Variants in HYDIN observed in about 807,000 individuals in gnomAD.
The protein encoded by HYDIN is axonemal central pair apparatus protein HYDIN.
HYDIN carries 132 observed loss-of-function variants against 403.9 expected under a neutral mutation model. The ratio of observed to expected loss-of-function variants is 0.33; its 90% CI spans 0.28 to 0.38. HYDIN has a LOEUF of 0.38. Among genes scored for constraint, HYDIN ranks in the 10% least tolerant of loss-of-function variants. The probability of loss-of-function intolerance (pLI) is 1.00; values close to 1 mark genes in which losing one functional copy is unlikely to be tolerated. For missense variants in HYDIN, 2,827 were observed against 5,009.5 expected, an observed-to-expected ratio of 0.56 and a Z score of 13.15; for synonymous variants, 1,202 against 1,891.7, an observed-to-expected ratio of 0.64 and a Z score of 9.46.
intron 10 of HYDIN, among the ~76,000 whole-genome samples, chr16:71,098,345 A>G (rs1323226393): frequency 5.9e-5 from 9 of 151,278 alleles, no homozygotes; most frequent in African/African-American, 1.2e-4. Flanking sequence ...GGGACTACAG[A>G]CGCCCGCCAC....
At chr16:70,811,014 G>C (rs1187072060) in intron 84 of HYDIN, among the ~76,000 whole-genome samples, 1 of 152,176 alleles carries the variant, frequency 6.6e-6, no homozygotes, top group Non-Finnish European at 1.5e-5. Flanking sequence ...ACTGTTACCA[G>C]TAGTTATGTT....
chr16:71,092,416 C>A (rs2083138583), intron 11 of HYDIN, among the ~76,000 whole-genome samples: 1 of 152,126 alleles, frequency 6.6e-6, no homozygotes, highest in African/African-American at 2.4e-5. Flanking sequence ...AAAGAAACTT[C>A]TAGCATATTT....
chr16:71,203,205 C>T (rs1317522380), intron 1 of HYDIN, among the ~76,000 whole-genome samples: 2 of 152,150 alleles, frequency 1.3e-5, no homozygotes, highest in African/African-American at 4.8e-5. Context: ...TCATAGCAGA[C>T]ATTGAGAGCA....
At chr16:71,115,939 T>G in intron 9 of HYDIN, 144 bp from the exon 10 acceptor site, 1 of 582,180 alleles carries the variant, frequency 1.7e-6, no homozygotes, top group South Asian at 2.2e-5. Flanking sequence ...TGATATATAT[T>G]TGTATAGTGA....
chr16:70,942,782 G>C (rs2077722917), intron 42 of HYDIN, among the ~76,000 whole-genome samples: 1 of 152,202 alleles, frequency 6.6e-6, no homozygotes, highest in South Asian at 2.1e-4. Flanking sequence ...CTTTGTTGAT[G>C]AAAGAAGCCC....
chr16:70,885,671 G>A (rs2041084995), intron 58 of HYDIN, among the ~76,000 whole-genome samples: 2 of 151,838 alleles, frequency 1.3e-5, no homozygotes, highest in African/African-American at 4.8e-5. Context: ...TAAGTTCATT[G>A]CAACTGAAAG....
At chr16:71,168,545 C>A (rs2086338604) in intron 5 of HYDIN, among the ~76,000 whole-genome samples, 1 of 150,758 alleles carries the variant, frequency 6.6e-6, no homozygotes, top group South Asian at 2.1e-4. Context: ...CAAAGAAGTC[C>A]AGAGGTAGGT....
intron 23 of HYDIN, among the ~76,000 whole-genome samples, chr16:71,003,186 T>A (rs2079778024): frequency 6.6e-6 from 1 of 152,214 alleles, no homozygotes; most frequent in Non-Finnish European, 1.5e-5. Context: ...ATTATATTTT[T>A]ACAATAAGGC....
In HYDIN at chr16:71,129,780, C is replaced by T. The variant is rs372727845; in HGVS notation, c.1087G>A (p.Glu363Lys). Residue 363 changes from glutamate to lysine, a missense_variant, in exon 9 of 86, where the codon GAG (glutamate) becomes AAG (lysine). Coordinates refer to ENST00000393567, the MANE Select transcript of HYDIN (RefSeq NM_001270974.2). ...LIKEEKDETD[E>K]FFEECITDPL... ...TCAGTAATGCACTCTTCAAAAAACT[C>T]ATCAGTCTCATCCTTCTCCTCTTTG... The T allele has an allele frequency of 1.6e-5, 26 of 1,612,890 alleles. No individual in the cohort carries two copies. Among genetic ancestry groups the T allele is most frequent in the Non-Finnish European group, 2.1e-5 (25 of 1,179,448 alleles).
chr16:71,211,483 A>G (rs2088587526), intron 1 of HYDIN, among the ~76,000 whole-genome samples: 1 of 152,060 alleles, frequency 6.6e-6, no homozygotes, highest in Admixed American at 6.6e-5. Context: ...TACTAAAAAT[A>G]CAAAAAAAAT....
At chr16:71,112,905 T>C (rs1422034154) in intron 10 of HYDIN, among the ~76,000 whole-genome samples, 1 of 152,112 alleles carries the variant, frequency 6.6e-6, no homozygotes, top group African/African-American at 2.4e-5. Context: ...TTTAAGGCTA[T>C]AAATAAACCT....
intron 10 of HYDIN, among the ~76,000 whole-genome samples, chr16:71,104,223 G>C (rs1220992102): frequency 6.6e-6 from 1 of 151,822 alleles, no homozygotes. Context: ...TGAGTAGCCA[G>C]GGGGATTCTG....
intron 13 of HYDIN, among the ~76,000 whole-genome samples, chr16:71,070,973 G>C (rs1274242730): frequency 6.6e-6 from 1 of 152,128 alleles, no homozygotes; most frequent in African/African-American, 2.4e-5. Flanking sequence ...GTGAGATTGA[G>C]TGCACTTGAA....
At chr16:71,152,917 T>C (rs1326020533) in intron 6 of HYDIN, 134 bp from the exon 7 acceptor site, 2 of 628,694 alleles carry the variant, frequency 3.2e-6, no homozygotes, top group Non-Finnish European at 2.7e-6. Context: ...AGAAGTGAAG[T>C]AGACTTTTGC....
At chr16:71,214,699 T>G (rs181533212) in intron 1 of HYDIN, among the ~76,000 whole-genome samples, 1 of 152,190 alleles carries the variant, frequency 6.6e-6, no homozygotes, top group Non-Finnish European at 1.5e-5. Flanking sequence ...AAAGCTACAT[T>G]CTTCTATTCT....
At position 70,803,614 on chromosome 16, in the gene HYDIN, G is replaced by C. The variant is rs1332627608; in HGVS notation, c.*3966C>G. ...GTATGTAAAAGTTATGACATAACTT[G>C]TAGCAAGAGGCTGCTGATGACATTG... is the stretch of plus-strand genomic sequence containing the variant. On this transcript the variant is annotated 3_prime_UTR_variant, in exon 86 of 86. Coordinates refer to ENST00000393567, the MANE Select transcript of HYDIN (RefSeq NM_001270974.2). 1.3e-5 allele frequency among the ~76,000 whole-genome samples: 2 copies of C among 152,230 alleles called. No homozygotes were observed. The highest frequency in any genetic ancestry group is 2.9e-5 in the Non-Finnish European group (2 of 68,038).
intron 3 of HYDIN, among the ~76,000 whole-genome samples, chr16:71,183,442 C>T (rs142874900): frequency 3.0e-4 from 46 of 152,012 alleles, no homozygotes; most frequent in African/African-American, 7.5e-4. Context: ...AAAATAAAGG[C>T]GCACAGTACC....
chr16:70,923,647 CAA>C (rs57860871), intron 45 of HYDIN, among the ~76,000 whole-genome samples: 7,453 of 69,428 alleles, frequency 0.11, 280 homozygotes, highest in Admixed American at 0.25. Flanking sequence ...CTAAAAAATA[CAA>C]AAAAAAAAAA....
chr16:71,034,059 T>C (rs546955679), intron 18 of HYDIN, among the ~76,000 whole-genome samples: 1 of 151,786 alleles, frequency 6.6e-6, no homozygotes, highest in East Asian at 1.9e-4. Flanking sequence ...GAATCTTCCT[T>C]GTGAATCTCC....
Sources: gnomAD v4.1 joint callset for allele counts (sites outside exome capture counted in the v4.1 genomes callset) on GRCh38, gnomAD v4.1.1 for gene constraint, MANE v1.5 for transcripts, NCBI Gene and HGNC (gene_info 2026-07-23, HGNC 2026-07-21) for gene names.